CMSS1: variants seen among roughly 807,000 people sequenced by gnomAD.
CMSS1 encodes the protein protein CMSS1.
CMSS1 carries 33 observed loss-of-function variants against 43.5 expected under a neutral mutation model. The ratio of observed to expected loss-of-function variants is 0.76; its 90% confidence interval spans 0.57 to 1.01. The LOEUF (loss-of-function observed/expected upper bound fraction) is 1.01. Ranked by LOEUF, CMSS1 falls within the 50% of genes least tolerant of loss-of-function variation. CMSS1 has a pLI of 0.00. For missense variants in CMSS1, 313 were observed against 326.4 expected (o/e 0.96, Z 0.32); for synonymous variants, 115 against 117.2 (o/e 0.98, Z 0.12).
At chr3:100,013,032 A>C (rs971235285) in intron 1 of CMSS1, among the ~76,000 whole-genome samples, 5 of 151,852 alleles carry the variant, frequency 3.3e-5, no homozygotes, top group African/African-American at 1.2e-4. Context: ...ACACCCAGCC[A>C]ATTTTTTTGT....
chr3:100,075,339 C>T (rs1206410997), intron 1 of CMSS1, among the ~76,000 whole-genome samples: 1 of 152,236 alleles, frequency 6.6e-6, no homozygotes, highest in African/African-American at 2.4e-5. Flanking sequence ...AACCCACAGT[C>T]TGGTTCTCAT....
At chr3:100,021,017 G>A (rs1286500783) in intron 1 of CMSS1, among the ~76,000 whole-genome samples, 3 of 152,080 alleles carry the variant, frequency 2.0e-5, no homozygotes, top group Non-Finnish European at 4.4e-5. Context: ...TGCCCGCCTT[G>A]GCCTCGCAAA....
chr3:100,117,194 CTATT>C (rs2066577815), intron 1 of CMSS1, among the ~76,000 whole-genome samples: 1 of 152,052 alleles, frequency 6.6e-6, no homozygotes, highest in African/African-American at 2.4e-5. Context: ...ATTATAGTTG[CTATT>C]TATTATGTCA....
chr3:100,173,312 C>T (rs1576122334), intron 8 of CMSS1, among the ~76,000 whole-genome samples: 1 of 152,192 alleles, frequency 6.6e-6, no homozygotes. Context: ...CCTACTTGTA[C>T]GCAGCGCTAC....
chr3:100,100,805 T>C (rs113083298), intron 1 of CMSS1, among the ~76,000 whole-genome samples: 47 of 152,302 alleles, frequency 3.1e-4, no homozygotes, highest in Middle Eastern at 3.4e-3. Flanking sequence ...CTGCATATTC[T>C]GGTGAAGTGC....
At chr3:100,141,754 A>G (rs1248530826) in intron 1 of CMSS1, 4 of 338,792 alleles carry the variant, frequency 1.2e-5, no homozygotes, top group Non-Finnish European at 2.3e-5. Flanking sequence ...AACCAATCCC[A>G]TCTGGCAGTG....
chr3:99,924,112 C>T, intron 1 of CMSS1: 1 of 843,044 alleles, frequency 1.2e-6, no homozygotes, highest in Non-Finnish European at 1.9e-6. Flanking sequence ...TCACCCTGGA[C>T]TATGAGATCT....
chr3:99,995,971 C>T (rs1709667001), intron 1 of CMSS1, among the ~76,000 whole-genome samples: 1 of 152,146 alleles, frequency 6.6e-6, no homozygotes, highest in African/African-American at 2.4e-5. Flanking sequence ...GACATTTTCC[C>T]CATTGTCTTG....
chr3:99,992,336 T>G (rs1709548685), intron 1 of CMSS1, among the ~76,000 whole-genome samples: 1 of 152,086 alleles, frequency 6.6e-6, no homozygotes, highest in Admixed American at 6.5e-5. Context: ...ACATCTGTTG[T>G]TTTTTGACTC....
intron 1 of CMSS1, among the ~76,000 whole-genome samples, chr3:99,938,086 C>T (rs961549986): frequency 1.4e-4 from 22 of 152,034 alleles, no homozygotes; most frequent in East Asian, 3.9e-4. Flanking sequence ...CGCGCGCGCG[C>T]GCGCGTGCAT....
chr3:99,932,479 T>C (rs1707514122), intron 1 of CMSS1, among the ~76,000 whole-genome samples: 1 of 152,240 alleles, frequency 6.6e-6, no homozygotes, highest in Admixed American at 6.5e-5. Flanking sequence ...TTACTGTTTT[T>C]GAATATTTTT....
At chr3:100,039,202 C>A (rs1338872763) in intron 1 of CMSS1, among the ~76,000 whole-genome samples, 1 of 152,070 alleles carries the variant, frequency 6.6e-6, no homozygotes, top group Non-Finnish European at 1.5e-5. Flanking sequence ...TGGTGAAAAC[C>A]ATTATGCATT....
chr3:99,911,172 CA>C (rs1370752130), intron 1 of CMSS1, among the ~76,000 whole-genome samples: 7 of 151,746 alleles, frequency 4.6e-5, no homozygotes, highest in African/African-American at 1.7e-4. Context: ...TTGCTTCAGC[CA>C]AATGGAAATG....
chr3:100,089,075 G>C (rs538395966), intron 1 of CMSS1, among the ~76,000 whole-genome samples: 12 of 152,282 alleles, frequency 7.9e-5, no homozygotes, highest in Non-Finnish European at 1.6e-4. Flanking sequence ...GAAGGCATCA[G>C]TGAGGATCAT....
chr3:100,020,760 CT>C (rs34665880), intron 1 of CMSS1, among the ~76,000 whole-genome samples: 9,490 of 70,294 alleles, frequency 0.14, 63 homozygotes, highest in South Asian at 0.16. Flanking sequence ...GAATAATTAG[CT>C]TTTTTTTTTT....
At chr3:100,033,224 G>C (rs28714363) in intron 1 of CMSS1, among the ~76,000 whole-genome samples, 1 of 152,032 alleles carries the variant, frequency 6.6e-6, no homozygotes, top group Admixed American at 6.6e-5. Context: ...TGTAACATTT[G>C]TGGTTTATGT....
At chr3:100,005,435 G>C (rs1467598288) in intron 1 of CMSS1, among the ~76,000 whole-genome samples, 1 of 152,172 alleles carries the variant, frequency 6.6e-6, no homozygotes, top group Non-Finnish European at 1.5e-5. Context: ...TAAAAATGTA[G>C]ATTCCAGGGT....
intron 2 of CMSS1, among the ~76,000 whole-genome samples, chr3:100,157,413 T>C (rs1410635699): frequency 1.3e-5 from 2 of 152,322 alleles, no homozygotes; most frequent in South Asian, 2.1e-4. Context: ...TTGGAGACTT[T>C]CCTTAGATGT....
At chr3:99,857,490 C>T (rs940531823) in intron 1 of CMSS1, among the ~76,000 whole-genome samples, 2 of 152,202 alleles carry the variant, frequency 1.3e-5, no homozygotes, top group African/African-American at 4.8e-5. Flanking sequence ...TTTATGTTTT[C>T]CTCAGAGTCC....
Sources: allele counts gnomAD v4.1 joint callset (sites outside exome capture counted in the v4.1 genomes callset), GRCh38; gene constraint gnomAD v4.1.1; transcripts MANE v1.5; gene names NCBI Gene and HGNC (gene_info 2026-07-23, HGNC 2026-07-21).